The following AP2S1 variants were observed in gnomAD, a reference collection of about 807,000 sequenced individuals.
The protein encoded by AP2S1 is adaptor related protein complex 2 subunit sigma 1, also known as AP-2 complex subunit sigma.
A neutral mutation model predicts 21.0 loss-of-function variants in AP2S1; 6 were observed. The ratio of observed to expected loss-of-function variants is 0.29; its 90% CI spans 0.16 to 0.56. The LOEUF is 0.56. AP2S1 is among the 20% of genes least tolerant of loss of function. The probability of loss-of-function intolerance (pLI) is 0.92; values close to 1 mark genes in which losing one functional copy is unlikely to be tolerated. For synonymous variants in AP2S1, 63 were observed against 74.6 expected (o/e 0.84, Z 0.80); for missense variants, 60 against 186.2 (o/e 0.32, Z 3.95).
chr19:46,843,270 C>T (rs1039191711), intron 2 of AP2S1, among the ~76,000 whole-genome samples: 12 of 152,190 alleles, frequency 7.9e-5, no homozygotes, highest in African/African-American at 2.9e-4. Flanking sequence ...ACCAGCATCT[C>T]CCACCTGGAC....
chr19:46,849,194 C>CG (rs764029732), intron 1 of AP2S1, among the ~76,000 whole-genome samples: 4 of 151,202 alleles, frequency 2.6e-5, no homozygotes, highest in African/African-American at 4.9e-5. Context: ...TTAGTAGAGA[C>CG]GGGGTCTCAC....
chr19:46,843,967 A>G (rs74174228), intron 2 of AP2S1, among the ~76,000 whole-genome samples: 1 of 151,732 alleles, frequency 6.6e-6, no homozygotes, highest in Admixed American at 6.6e-5. Context: ...CTGGAGTGCA[A>G]TGGCACGATC....
rs184535916 is a variant in AP2S1, at chr19:46,842,945, C to T, written c.153+3048G>A. ...GGTTTCCCTCTATGTGCAGAAATGC[C>T]GTTTCCATATCCTACCCAGCTCTCT... is the stretch of plus-strand genomic sequence containing the variant. On this transcript the variant is annotated intron_variant, in intron 2 of 4. Coordinates refer to ENST00000263270, the MANE Select transcript of AP2S1 (RefSeq NM_004069.6). 4.3e-3 allele frequency among the ~76,000 whole-genome samples: 660 copies of T among 152,222 alleles called. 3 individuals are homozygous for T. The highest frequency in any genetic ancestry group is 0.012 in the African/African-American group (514 of 41,538).
intron 3 of AP2S1, 41 bp downstream of exon 3, chr19:46,839,424 G>GGGCC: frequency 9.6e-5 from 144 of 1,504,222 alleles, no homozygotes; most frequent in Non-Finnish European, 1.2e-4. Context: ...CTCCAGGGCT[G>GGGCC]CCCACCCGCC....
chr19:46,839,424 G>GGCCCCCCC, intron 3 of AP2S1, 41 bp downstream of exon 3: 23 of 1,504,482 alleles, frequency 1.5e-5, no homozygotes, highest in East Asian at 2.3e-5. Context: ...CTCCAGGGCT[G>GGCCCCCCC]CCCACCCGCC....
In AP2S1 at chr19:46,838,244, C is replaced by T. The variant is rs2292203; in HGVS notation, c.*203G>A. On this transcript the variant is annotated 3_prime_UTR_variant, in exon 5 of 5. Coordinates refer to ENST00000263270, the MANE Select transcript of AP2S1 (RefSeq NM_004069.6). This position sits in a 1 kb window ranked among gnomAD's most constrained non-coding sequence, Gnocchi z 4.1. ...ATCACACGACAACGGCACGGTTACT[C>T]GGGACACACACGGTGGCCTCTGCCC... 3.6e-3 allele frequency: 2,137 copies of T among 595,638 alleles called. 49 individuals are homozygous for T. The Admixed American group carries it at 0.04, about 11-fold the overall frequency. 36.9% of individuals were successfully genotyped at this position (595,638 alleles called of 1,614,324 possible).
At position 46,843,739 on chromosome 19, in the gene AP2S1, T is replaced by A. The variant is rs867650161; in HGVS notation, c.153+2254A>T. ...ACCCACCTGAAAAGAAAAAAAAATTTAAAAATTAGATGGGCATGGAGGTGC... is the reference window on the plus strand; with the variant it reads ...ACCCACCTGAAAAGAAAAAAAAATTAAAAAATTAGATGGGCATGGAGGTGC... On this transcript the variant is annotated intron_variant, in intron 2 of 4. Coordinates refer to ENST00000263270, the MANE Select transcript of AP2S1 (RefSeq NM_004069.6). Among the ~76,000 whole-genome samples the A allele has an allele frequency of 2.0e-4, 31 of 151,220 alleles. 1 individual carries two copies. The highest frequency in any genetic ancestry group is 3.4e-3 in the Middle Eastern group (1 of 294).
chr19:46,840,459 GGT>G (rs2055498191), intron 2 of AP2S1, among the ~76,000 whole-genome samples: 1 of 151,608 alleles, frequency 6.6e-6, no homozygotes, highest in Non-Finnish European at 1.5e-5. Context: ...TGGGCAACAT[GGT>G]GAAACCCCAT....
In AP2S1 at chr19:46,849,010, CTT is replaced by C. The variant is rs59512372; in HGVS notation, c.3+1752_3+1753del. ...ACAGGCGCGAGTCACTGTGCCCAGC[CTT>C]TTTTTTTTTTTTTTTTTTGAGACAG... On this transcript the variant is annotated intron_variant, in intron 1 of 4. Coordinates refer to ENST00000263270, the MANE Select transcript of AP2S1 (RefSeq NM_004069.6). Among the ~76,000 whole-genome samples, 154 of 56,180 alleles carry C rather than the reference CTT, an allele frequency of 2.7e-3. 2 individuals are homozygous for C. Among genetic ancestry groups the C allele is most frequent in the Middle Eastern group, 0.027 (2 of 74 alleles). 36.9% of individuals were successfully genotyped at this position (56,180 alleles called of 152,430 possible).
chr19:46,848,543 G>C (rs1272932718), intron 1 of AP2S1, among the ~76,000 whole-genome samples: 1 of 152,172 alleles, frequency 6.6e-6, no homozygotes, highest in African/African-American at 2.4e-5. Context: ...ATTTCTGTCT[G>C]AGACAGGCAT....
chr19:46,839,358 A>T, intron 3 of AP2S1, 107 bp downstream of exon 3: 1 of 1,071,430 alleles, frequency 9.3e-7, no homozygotes, highest in Non-Finnish European at 1.4e-6. Context: ...AGTCCCAGTC[A>T]CTGCAGAGGG....
chr19:46,838,456 G>A lies in AP2S1; in HGVS notation c.420C>T (p.Ser140=). Residue 140 remains serine (S), a synonymous_variant, in exon 5 of 5, where the codon TCC becomes TCT. Coordinates refer to ENST00000263270, the MANE Select transcript of AP2S1 (RefSeq NM_004069.6). This position sits in a 1 kb window ranked among gnomAD's most constrained non-coding sequence, Gnocchi z 4.1. Reference sequence around the variant, plus strand: ...TGGGGCTCGCCTGCCCTCACTCCAGGGACTGTAGCATCAGCAGCTGTTTCA... The same window carrying A: ...TGGGGCTCGCCTGCCCTCACTCCAGAGACTGTAGCATCAGCAGCTGTTTCA... ...KVLKQLLMLQ[S]LE is the part of the protein sequence containing the mutation. 6.2e-7 allele frequency: 1 copy of A among 1,614,172 alleles called. No individual in the cohort carries two copies. The highest frequency in any genetic ancestry group is 1.1e-5 in the South Asian group (1 of 91,088).
intron 2 of AP2S1, among the ~76,000 whole-genome samples, chr19:46,845,172 G>T (rs535758954): frequency 6.6e-6 from 1 of 150,982 alleles, no homozygotes; most frequent in African/African-American, 2.4e-5. Flanking sequence ...ACTTTGGAAG[G>T]CCGAGGAGGG....
chr19:46,843,078 C>T lies in AP2S1; in HGVS notation c.153+2915G>A, dbSNP rs986315693. Among the ~76,000 whole-genome samples the T allele has an allele frequency of 1.7e-3, 258 of 152,318 alleles. 3 individuals carry two copies. The highest frequency in any genetic ancestry group is 5.9e-3 in the African/African-American group (246 of 41,580). ...CCTCCTGATCTTCACCTCCGCCTGC[C>T]CTTCCCATCTGCCCATATCAGATAA... On this transcript the variant is annotated intron_variant, in intron 2 of 4. Coordinates refer to ENST00000263270, the MANE Select transcript of AP2S1 (RefSeq NM_004069.6).
intron 2 of AP2S1, among the ~76,000 whole-genome samples, chr19:46,843,644 C>T (rs938787005): frequency 1.4e-4 from 22 of 151,876 alleles, no homozygotes; most frequent in African/African-American, 5.3e-4. Flanking sequence ...AATTGCTTGA[C>T]CCCGAGAGGC....
Position 46,845,983 on chromosome 19 carries a change from C to T in AP2S1, c.153+10G>A, listed in dbSNP as rs369228687. ...GCAGCGGGGTGCAGGAGGCATGGAGCGGGCGTCACCTCCACAAAGTTGGTG... is the reference window on the plus strand; with the variant it reads ...GCAGCGGGGTGCAGGAGGCATGGAGTGGGCGTCACCTCCACAAAGTTGGTG... On this transcript the variant is annotated intron_variant, in intron 2 of 4. Transcript: ENST00000263270. The T allele has an allele frequency of 2.8e-5, 45 of 1,613,664 alleles. No homozygotes were observed. Among genetic ancestry groups the T allele is most frequent in the African/African-American group, 1.1e-4 (8 of 74,852 alleles).
chr19:46,839,209 C>A lies in AP2S1; in HGVS notation c.267+256G>T, dbSNP rs1000488090. On this transcript the variant is annotated intron_variant, in intron 3 of 4. Coordinates refer to ENST00000263270, the MANE Select transcript of AP2S1 (RefSeq NM_004069.6). ...GGCTGAGGCAGGAGAATCACTTGAACCTGGGAGGTGGAGGCTGCAATGAGC... is the reference window on the plus strand; with the variant it reads ...GGCTGAGGCAGGAGAATCACTTGAAACTGGGAGGTGGAGGCTGCAATGAGC... Among the ~76,000 whole-genome samples, 3 of 141,808 alleles carry A rather than the reference C, an allele frequency of 2.1e-5. No homozygotes were observed. The South Asian group carries it at 6.7e-4, about 32-fold the overall frequency. The allele number at this position is 141,808 out of a possible 152,430, so 93.0% of individuals were successfully genotyped here.
chr19:46,839,286 CAAA>C (rs771792607), intron 3 of AP2S1, among the ~76,000 whole-genome samples, 176 bp downstream of exon 3: 38 of 72,912 alleles, frequency 5.2e-4, no homozygotes, highest in Non-Finnish European at 7.9e-4. Context: ...GACTCCGTCT[CAAA>C]AAAAAAAAAA....
chr19:46,849,805 T>A (rs565589664), intron 1 of AP2S1, among the ~76,000 whole-genome samples: 22 of 152,196 alleles, frequency 1.4e-4, no homozygotes, highest in African/African-American at 5.1e-4. Context: ...ACTGGTGACA[T>A]CCCTTGTCCC....
Sources: allele counts gnomAD v4.1 joint callset (sites outside exome capture counted in the v4.1 genomes callset), GRCh38; gene constraint gnomAD v4.1.1; non-coding constraint Gnocchi (gnomAD v3.1); transcripts MANE v1.5; gene names NCBI Gene and HGNC (gene_info 2026-07-23, HGNC 2026-07-21).